The following TOP6BL variants were observed in gnomAD, a reference collection of about 807,000 sequenced individuals.
TOP6BL encodes the protein type 2 DNA topoisomerase 6 subunit B-like.
chr11:66,791,818 ATTT>A, the TOP6BL span, among the ~76,000 whole-genome samples: 3 of 138,186 alleles, frequency 2.2e-5, no homozygotes, highest in Admixed American at 7.3e-5. Flanking sequence ...CTTTCTAATA[ATTT>A]TTTTTTTTTT....
At chr11:66,791,217 T>C in the TOP6BL span, among the ~76,000 whole-genome samples, 4 of 152,208 alleles carry the variant, frequency 2.6e-5, no homozygotes, top group African/African-American at 9.6e-5. Flanking sequence ...GGAAAGTCAA[T>C]TGCAAGGAAG....
the TOP6BL span, among the ~76,000 whole-genome samples, chr11:66,764,665 CAA>C: frequency 8.5e-5 from 11 of 129,078 alleles, no homozygotes; most frequent in Non-Finnish European, 9.8e-5. Context: ...ACTCCATCTC[CAA>C]AAAAAAAAAA....
the TOP6BL span, among the ~76,000 whole-genome samples, chr11:66,745,940 A>G: frequency 9.9e-3 from 1,509 of 152,162 alleles, 24 homozygotes; most frequent in African/African-American, 0.034. Context: ...CCTCCCGAGT[A>G]GCTGGGATTA....
At chr11:66,761,406 G>GA in the TOP6BL span, among the ~76,000 whole-genome samples, 1 of 151,998 alleles carries the variant, frequency 6.6e-6, no homozygotes, top group South Asian at 2.1e-4. Context: ...AAGGAAAAAA[G>GA]AAAAAAATGA....
chr11:66,800,594 G>A, the TOP6BL span: 1 of 1,470,046 alleles, frequency 6.8e-7, no homozygotes, highest in African/African-American at 1.4e-5. Flanking sequence ...TTTTTAATCT[G>A]TATCTTGGCT....
At chr11:66,815,164 T>G in the TOP6BL span, among the ~76,000 whole-genome samples, 1 of 152,254 alleles carries the variant, frequency 6.6e-6, no homozygotes, top group Non-Finnish European at 1.5e-5. Context: ...CGAATAGAGA[T>G]ATGACTGGTG....
the TOP6BL span, among the ~76,000 whole-genome samples, chr11:66,751,802 A>T: frequency 6.6e-6 from 1 of 152,190 alleles, no homozygotes; most frequent in African/African-American, 2.4e-5. Flanking sequence ...ATGACCATAA[A>T]ATGCAGTTTA....
the TOP6BL span, among the ~76,000 whole-genome samples, chr11:66,795,057 C>T: frequency 3.3e-5 from 5 of 151,678 alleles, no homozygotes; most frequent in Non-Finnish European, 7.4e-5. Flanking sequence ...TCGCTTGAAC[C>T]CGGGAGGCAG....
chr11:66,764,970 A>G, the TOP6BL span, among the ~76,000 whole-genome samples: 22 of 144,174 alleles, frequency 1.5e-4, no homozygotes, highest in Middle Eastern at 3.6e-3. Flanking sequence ...CTTGTCTCCA[A>G]AAAAAAAAAG....
chr11:66,764,994 G>A, the TOP6BL span, among the ~76,000 whole-genome samples: 279 of 151,934 alleles, frequency 1.8e-3, 5 homozygotes, highest in East Asian at 0.045. Context: ...TATAAATGGA[G>A]TATATTATTA....
At chr11:66,822,615 A>ATGGAGTTCTGACT in the TOP6BL span, 1 of 1,553,232 alleles carries the variant, frequency 6.4e-7, no homozygotes, top group Non-Finnish European at 8.7e-7. Flanking sequence ...CTCCATCATG[A>ATGGAGTTCTGACT]GTATTCTGAC....
At chr11:66,793,436 C>CTTTT in the TOP6BL span, among the ~76,000 whole-genome samples, 1 of 121,164 alleles carries the variant, frequency 8.3e-6, no homozygotes, top group Non-Finnish European at 1.8e-5. Flanking sequence ...ATAATTTTTT[C>CTTTT]TTTTTTTGTT....
At chr11:66,781,790 G>C in the TOP6BL span, among the ~76,000 whole-genome samples, 2 of 152,074 alleles carry the variant, frequency 1.3e-5, no homozygotes, top group Admixed American at 1.3e-4. Context: ...TCCCTGCCTT[G>C]GCCCCTCAAA....
At chr11:66,841,787 C>T in the TOP6BL span, among the ~76,000 whole-genome samples, 2 of 151,048 alleles carry the variant, frequency 1.3e-5, no homozygotes, top group Non-Finnish European at 3.0e-5. Context: ...AGGTGACAGG[C>T]GAGACCTCAT....
At chr11:66,778,082 T>C in the TOP6BL span, among the ~76,000 whole-genome samples, 1 of 151,822 alleles carries the variant, frequency 6.6e-6, no homozygotes, top group East Asian at 1.9e-4. Context: ...TTGTGTCTTT[T>C]TCTTTTCTTT....
At chr11:66,794,880 C>T in the TOP6BL span, among the ~76,000 whole-genome samples, 3 of 152,160 alleles carry the variant, frequency 2.0e-5, no homozygotes, top group South Asian at 4.1e-4. Flanking sequence ...CTTCTGTAAT[C>T]CCAGCACTTT....
the TOP6BL span, chr11:66,842,869 AACAAGAGGC>A: frequency 6.4e-7 from 1 of 1,573,134 alleles, no homozygotes; most frequent in Non-Finnish European, 8.6e-7. Flanking sequence ...GCAAGCAGAA[AACAAGAGGC>A]TCAAGAGGGG....
chr11:66,759,725 A>C, the TOP6BL span, among the ~76,000 whole-genome samples: 5 of 152,118 alleles, frequency 3.3e-5, no homozygotes, highest in Non-Finnish European at 7.4e-5. Flanking sequence ...CTGGGACTAC[A>C]GTTGCATGCT....
At chr11:66,801,134 A>G in the TOP6BL span, 616 of 1,593,272 alleles carry the variant, frequency 3.9e-4, 4 homozygotes, top group Non-Finnish European at 9.1e-5. Context: ...GTCCCTCTGC[A>G]TGTTTTACTC....
Sources: gnomAD v4.1 joint callset for allele counts (sites outside exome capture counted in the v4.1 genomes callset) on GRCh38, gnomAD v4.1.1 for gene constraint, MANE v1.5 for transcripts, NCBI Gene and HGNC (gene_info 2026-07-23, HGNC 2026-07-21) for gene names.